Variants in PRKN observed in about 807,000 individuals in gnomAD.
The protein encoded by PRKN is parkin RBR E3 ubiquitin protein ligase, also known as E3 ubiquitin-protein ligase parkin.
A neutral mutation model predicts 59.5 loss-of-function variants in PRKN; 56 were observed. The ratio of observed to expected loss-of-function variants is 0.94; its 90% confidence interval spans 0.76 to 1.18. PRKN has a LOEUF of 1.18. Among genes scored for constraint, PRKN ranks in the 50% most tolerant of loss-of-function variants. The pLI is 0.00. For synonymous variants in PRKN, 250 were observed against 222.1 expected (o/e 1.13, Z -1.12); for missense variants, 657 against 596.4 (o/e 1.10, Z -1.06).
At chr6:162,352,615 G>A (rs996180844) in intron 2 of PRKN, among the ~76,000 whole-genome samples, 1 of 152,126 alleles carries the variant, frequency 6.6e-6, no homozygotes, top group African/African-American at 2.4e-5. Context: ...TCACCCTGAA[G>A]GGCATGGATT....
At chr6:162,256,272 C>T (rs1017832135) in intron 3 of PRKN, among the ~76,000 whole-genome samples, 2 of 152,000 alleles carry the variant, frequency 1.3e-5, no homozygotes, top group African/African-American at 2.4e-5. Context: ...TTCTGTTTTT[C>T]TTACATAAGT....
intron 3 of PRKN, among the ~76,000 whole-genome samples, chr6:162,240,753 C>T (rs1203240492): frequency 6.6e-6 from 1 of 151,974 alleles, no homozygotes; most frequent in Non-Finnish European, 1.5e-5. Context: ...TAGGGTGAAC[C>T]CATTAAAACT....
intron 4 of PRKN, among the ~76,000 whole-genome samples, chr6:162,058,640 A>G (rs1777965159): frequency 6.6e-6 from 1 of 152,186 alleles, no homozygotes; most frequent in Middle Eastern, 3.2e-3. Flanking sequence ...TAACACACCT[A>G]CGTGGCAACA....
chr6:161,489,680 A>C (rs763452298), intron 9 of PRKN, among the ~76,000 whole-genome samples: 1 of 152,110 alleles, frequency 6.6e-6, no homozygotes, highest in Non-Finnish European at 1.5e-5. Flanking sequence ...GATCTAATAC[A>C]TGAATTATTT....
chr6:161,476,230 A>G (rs1791075533), intron 9 of PRKN, among the ~76,000 whole-genome samples: 1 of 152,024 alleles, frequency 6.6e-6, no homozygotes, highest in South Asian at 2.1e-4. Context: ...CAAACTGTTC[A>G]TCAAACTGCC....
chr6:162,333,731 CG>C (rs1783702487), intron 2 of PRKN, among the ~76,000 whole-genome samples: 1 of 151,758 alleles, frequency 6.6e-6, no homozygotes, highest in Non-Finnish European at 1.5e-5. Flanking sequence ...AATGTTCAAG[CG>C]AAAGGCAGAG....
chr6:162,272,270 C>T (rs1003432558), intron 2 of PRKN, among the ~76,000 whole-genome samples: 8 of 152,088 alleles, frequency 5.3e-5, no homozygotes, highest in African/African-American at 1.4e-4. Context: ...CAAAGGATAT[C>T]GGATCACCAA....
intron 4 of PRKN, among the ~76,000 whole-genome samples, chr6:162,189,915 G>A (rs1342620867): frequency 6.6e-6 from 1 of 151,906 alleles, no homozygotes; most frequent in East Asian, 1.9e-4. Flanking sequence ...TTTAAATTAT[G>A]GCCATCTCTG....
At chr6:161,991,967 T>C (rs1037207986) in intron 5 of PRKN, among the ~76,000 whole-genome samples, 1 of 152,042 alleles carries the variant, frequency 6.6e-6, no homozygotes, top group Non-Finnish European at 1.5e-5. Flanking sequence ...AGTCATTCCA[T>C]ACAAATAAAA....
At position 161,566,390 on chromosome 6, in the gene PRKN, A is replaced by AT. The variant is rs1780643058; in HGVS notation, c.933+2964dup. 6.6e-6 allele frequency among the ~76,000 whole-genome samples: 1 copy of AT among 151,984 alleles called. No homozygotes were observed. The highest frequency in any genetic ancestry group is 2.1e-4 in the South Asian group (1 of 4,786). ...CTCCCAGGTCATGATACCTGCCTGG[A>AT]TTTTTTCCCACCTTATTATCATTAT... On this transcript the variant is annotated intron_variant, in intron 8 of 11. Coordinates refer to ENST00000366898, the MANE Select transcript of PRKN (RefSeq NM_004562.3). This position sits in a 1 kb window ranked among gnomAD's most constrained non-coding sequence, Gnocchi z 4.1.
intron 1 of PRKN, among the ~76,000 whole-genome samples, chr6:162,653,256 C>T (rs1778512236): frequency 6.6e-6 from 1 of 152,146 alleles, no homozygotes; most frequent in African/African-American, 2.4e-5. Flanking sequence ...TTCTTGAAAG[C>T]ATTTGCTAAA....
chr6:162,493,940 C>G (rs1179790998), intron 1 of PRKN, among the ~76,000 whole-genome samples: 1 of 152,190 alleles, frequency 6.6e-6, no homozygotes, highest in East Asian at 1.9e-4. Context: ...ACTCAATGAC[C>G]TCTATATCCT....
At chr6:162,152,436 G>C (rs1256325096) in intron 4 of PRKN, among the ~76,000 whole-genome samples, 1 of 152,084 alleles carries the variant, frequency 6.6e-6, no homozygotes, top group Non-Finnish European at 1.5e-5. Flanking sequence ...TAACTGGCCC[G>C]CTATCATTTC....
At chr6:162,515,747 T>C (rs770470000) in intron 1 of PRKN, among the ~76,000 whole-genome samples, 22 of 152,182 alleles carry the variant, frequency 1.4e-4, no homozygotes, top group Non-Finnish European at 3.2e-4. Context: ...CTAAATGTTC[T>C]TTTCTGTTCA....
At chr6:161,996,515 C>A (rs1781850082) in intron 5 of PRKN, among the ~76,000 whole-genome samples, 1 of 152,056 alleles carries the variant, frequency 6.6e-6, no homozygotes, top group Non-Finnish European at 1.5e-5. Flanking sequence ...AATGGTATTC[C>A]AAATTTACTG....
intron 1 of PRKN, among the ~76,000 whole-genome samples, chr6:162,459,939 T>A (rs538104642): frequency 6.6e-6 from 1 of 152,194 alleles, no homozygotes; most frequent in Non-Finnish European, 1.5e-5. Flanking sequence ...CTACCGCCAC[T>A]TTGGAAAACA....
In PRKN at chr6:161,600,906, T is replaced by C. The variant is rs138428048; in HGVS notation, c.872-31490A>G. On this transcript the variant is annotated intron_variant, in intron 7 of 11. Coordinates refer to ENST00000366898, the MANE Select transcript of PRKN (RefSeq NM_004562.3). The stretch of plus-strand genomic sequence containing the variant: ...CTATTCAAAACCACTATTACCCAAC[T>C]CCTAGGGAAAAAAATAAACCAAACT... 2.9e-3 allele frequency among the ~76,000 whole-genome samples: 445 copies of C among 152,266 alleles called. 1 individual carries two copies. The highest frequency in any genetic ancestry group is 0.01 in the African/African-American group (426 of 41,546).
At chr6:162,003,678 T>C (rs911589897) in intron 5 of PRKN, among the ~76,000 whole-genome samples, 3 of 152,196 alleles carry the variant, frequency 2.0e-5, no homozygotes, top group Admixed American at 6.5e-5. Context: ...AAATATACCA[T>C]AACTTGTTTA....
chr6:162,424,205 C>T (rs952936840), intron 2 of PRKN, among the ~76,000 whole-genome samples: 10 of 152,108 alleles, frequency 6.6e-5, no homozygotes, highest in Non-Finnish European at 1.3e-4. Context: ...AAAGGCACAG[C>T]TATAAAAAGG....
Sources: allele counts gnomAD v4.1 joint callset (sites outside exome capture counted in the v4.1 genomes callset), GRCh38; gene constraint gnomAD v4.1.1; non-coding constraint Gnocchi (gnomAD v3.1); transcripts MANE v1.5; gene names NCBI Gene and HGNC (gene_info 2026-07-23, HGNC 2026-07-21).